The following CAPZA3 variants were observed in gnomAD, a reference collection of about 807,000 sequenced individuals.
CAPZA3 encodes the protein F-actin-capping protein subunit alpha-3.
Under a neutral mutation model 23.6 loss-of-function variants are expected in CAPZA3, and 22 were observed. The ratio of observed to expected loss-of-function variants is 0.93; its 90% CI spans 0.67 to 1.33. The LOEUF (loss-of-function observed/expected upper bound fraction) is 1.33, where lower values mean the gene tolerates loss of function less well. CAPZA3 is among the 40% of genes most tolerant of loss of function. The pLI is 0.00. For missense variants in CAPZA3, 357 were observed against 345.9 expected (o/e 1.03, Z -0.25); for synonymous variants, 142 against 126.5 (o/e 1.12, Z -0.82).
chr12:18,738,764 T>C lies in CAPZA3; in HGVS notation c.496T>C (p.Trp166Arg). The change falls in exon 1 of 1, where the codon TGG becomes CGG. Residue 166 changes from tryptophan to arginine, a missense_variant. Trp to Arg is a moderately radical substitution (Grantham distance 101). Transcript: ENST00000317658. ...EDHNYETGEC[W>R]NGLWKSKWIF... ...TCACAACTATGAAACAGGAGAGTGC[T>C]GGAACGGACTTTGGAAATCTAAATG... The C allele has an allele frequency of 6.2e-7, 1 of 1,614,076 alleles. No homozygotes were observed. Among genetic ancestry groups the C allele is most frequent in the Middle Eastern group, 1.6e-4 (1 of 6,062 alleles).
In CAPZA3 at chr12:18,738,139, C is replaced by A; in HGVS notation, c.-130C>A. 1.2e-6 allele frequency: 1 copy of A among 857,518 alleles called. No individual in the cohort carries two copies. Among genetic ancestry groups the A allele is most frequent in the Non-Finnish European group, 1.8e-6 (1 of 549,304 alleles). The allele number at this position is 857,518 out of a possible 1,614,324, so 53.1% of individuals were successfully genotyped here. On this transcript the variant is annotated 5_prime_UTR_variant, in exon 1 of 1. Transcript: ENST00000317658. ...GGCTCAGACCTTGCCAGACTGCCTG[C>A]TTTCATGGATAGACATAAAAACCTT... is the stretch of plus-strand genomic sequence containing the variant.
rs766521488 is a variant in CAPZA3 at position 18,738,732 on chromosome 12, T to C, written c.464T>C (p.Ile155Thr). The change falls in exon 1 of 1, where the codon ATT becomes ACT. Residue 155 changes from isoleucine to threonine, a missense_variant. By Grantham distance (89) the Ile-to-Thr change is moderately conservative. Coordinates refer to ENST00000317658, the MANE Select transcript of CAPZA3 (RefSeq NM_033328.3). ...VKSKEYLIAC[I>T]EDHNYETGEC... ...AGTAAGGAGTACTTGATAGCTTGCA[T>C]TGAAGATCACAACTATGAAACAGGA... 3.7e-6 allele frequency: 6 copies of C among 1,614,094 alleles called. No homozygotes were observed. The highest frequency in any genetic ancestry group is 2.2e-5 in the East Asian group (1 of 44,876).
chr12:18,738,560 C>CA lies in CAPZA3; in HGVS notation c.296dup (p.Asn99LysfsTer15), dbSNP rs1322309653. Reference sequence around the variant, plus strand: ...ACTTTCTTTCAAATATGACCTGCTTCAAAATCAGCTGAAAGACATCCAAAG... The same window carrying CA: ...ACTTTCTTTCAAATATGACCTGCTTCAAAAATCAGCTGAAAGACATCCAAAG... On this transcript the variant is annotated frameshift_variant, in exon 1 of 1. Transcript: ENST00000317658. LOFTEE classifies it high-confidence loss of function. 6.2e-7 allele frequency: 1 copy of CA among 1,613,988 alleles called. No homozygotes were observed. Among genetic ancestry groups the CA allele is most frequent in the Non-Finnish European group, 8.5e-7 (1 of 1,180,008 alleles).
At position 18,738,203 on chromosome 12, in the gene CAPZA3, A is replaced by G. The variant is rs1383547352; in HGVS notation, c.-66A>G. 1 of 1,405,642 alleles carries G rather than the reference A, an allele frequency of 7.1e-7. No homozygotes were observed. The highest frequency in any genetic ancestry group is 1.4e-5 in the African/African-American group (1 of 69,386). 87.1% of individuals were successfully genotyped at this position (1,405,642 alleles called of 1,614,324 possible). A position where few individuals can be genotyped will look rare whatever the true frequency, so the allele number is the denominator to read the frequency against. On this transcript the variant is annotated 5_prime_UTR_variant, in exon 1 of 1. The change abolishes an upstream ATG in the 5' untranslated region. Coordinates refer to ENST00000317658, the MANE Select transcript of CAPZA3 (RefSeq NM_033328.3). ...AACACCTTGATGGGAAAGGTGGCTC[A>G]TGGAATGTTTTCTTATCCTTTGAAC... is the stretch of plus-strand genomic sequence containing the variant.
Position 18,739,015 on chromosome 12 carries a change from T to C in CAPZA3, c.747T>C (p.Asn249=), listed in dbSNP as rs1482478760. 3 of 1,612,216 alleles carry C rather than the reference T, an allele frequency of 1.9e-6. No homozygotes were observed. The highest frequency in any genetic ancestry group is 2.5e-6 in the Non-Finnish European group (3 of 1,179,942). The change falls in exon 1 of 1, where the codon AAT becomes AAC. Residue 249 remains asparagine, a synonymous_variant. Transcript: ENST00000317658. ...TGGAAGAATTACAGGAGTTATCCAA[T>C]GAAGCCCTGAGAAAAATTCTACGAA... ...AVLEELQELS[N]EALRKILRRD...
Position 18,738,583 on chromosome 12 carries a change from A to C in CAPZA3, c.315A>C (p.Gln105His), listed in dbSNP as rs143679033. 8 of 1,614,046 alleles carry C rather than the reference A, an allele frequency of 5.0e-6. No homozygotes were observed. The African/African-American group carries it at 9.3e-5, about 19-fold the overall frequency. Residue 105 changes from glutamine (Q) to histidine (H), a missense_variant, in exon 1 of 1, where the codon CAA becomes CAC. Gln to His is a conservative substitution (Grantham distance 24). Transcript: ENST00000317658. ...TTCAAAATCAGCTGAAAGACATCCA[A>C]AGTCATGGTATCATTCAGAATGAGG... Reference protein sequence around the residue: ...DLLQNQLKDIQSHGIIQNEAE... With the variant: ...DLLQNQLKDIHSHGIIQNEAE...
Position 18,738,523 on chromosome 12 carries a change from C to A in CAPZA3, c.255C>A (p.Asp85Glu). 2 of 1,614,078 alleles carry A rather than the reference C, an allele frequency of 1.2e-6. No homozygotes were observed. Among genetic ancestry groups the A allele is most frequent in the African/African-American group, 2.7e-5 (2 of 75,034 alleles). The change falls in exon 1 of 1, where the codon GAC becomes GAA. Residue 85 changes from aspartate (D) to glutamate (E), a missense_variant. By Grantham distance (45) the Asp-to-Glu change is conservative. Transcript: ENST00000317658. ...TAATGGGCGACTACCGATTTTTTGA[C>A]CATCAAAGCAAACTTTCTTTCAAAT... ...HNVMGDYRFF[D>E]HQSKLSFKYD...
chr12:18,738,459 G>C lies in CAPZA3; in HGVS notation c.191G>C (p.Cys64Ser), dbSNP rs752977813. 1 of 1,614,106 alleles carries C rather than the reference G, an allele frequency of 6.2e-7. No individual in the cohort carries two copies. The highest frequency in any genetic ancestry group is 1.3e-5 in the African/African-American group (1 of 75,042). Residue 64 changes from cysteine to serine, a missense_variant, in exon 1 of 1, where the codon TGC (cysteine) becomes TCC (serine). Cys to Ser is a moderately radical substitution (Grantham distance 112). Transcript: ENST00000317658. ...TGCCAAAAATATTCTGTACCACTCT[G>C]CATCGATGGAAATCCAGTACTCTTG... is the stretch of plus-strand genomic sequence containing the variant. ...QHCQKYSVPL[C>S]IDGNPVLLSH... is the part of the protein sequence containing the mutation.
At position 18,738,643 on chromosome 12, in the gene CAPZA3, A is replaced by T. The variant is rs1959682972; in HGVS notation, c.375A>T (p.Leu125Phe). 6.2e-7 allele frequency: 1 copy of T among 1,614,108 alleles called. No homozygotes were observed. The highest frequency in any genetic ancestry group is 1.3e-5 in the African/African-American group (1 of 75,048). The stretch of plus-strand genomic sequence containing the variant: ...TGAGAGTTGTTCTTCTGTGCGCCTT[A>T]AAACTGTATGTGAATGACCACTATC... The part of the protein sequence containing the change: ...EYLRVVLLCA[L>F]KLYVNDHYPK... The change falls in exon 1 of 1, where the codon TTA becomes TTT. Residue 125 changes from leucine (L) to phenylalanine (F), a missense_variant. By Grantham distance (22) the Leu-to-Phe change is conservative (BLOSUM62 0). Coordinates refer to ENST00000317658, the MANE Select transcript of CAPZA3 (RefSeq NM_033328.3).
Position 18,738,521 on chromosome 12 carries a change from G to T in CAPZA3, c.253G>T (p.Asp85Tyr). ...HNVMGDYRFF[D>Y]HQSKLSFKYD... ...TGTAATGGGCGACTACCGATTTTTTGACCATCAAAGCAAACTTTCTTTCAA... is the reference window on the plus strand; with the variant it reads ...TGTAATGGGCGACTACCGATTTTTTTACCATCAAAGCAAACTTTCTTTCAA... The change falls in exon 1 of 1, where the codon GAC becomes TAC. Residue 85 changes from aspartate to tyrosine, a missense_variant. Transcript: ENST00000317658. The T allele has an allele frequency of 6.2e-7, 1 of 1,614,058 alleles. No homozygotes were observed. Among genetic ancestry groups the T allele is most frequent in the Non-Finnish European group, 8.5e-7 (1 of 1,180,014 alleles).
In CAPZA3 at chr12:18,738,608, G is replaced by A. The variant is rs1192883904; in HGVS notation, c.340G>A (p.Ala114Thr). The A allele has an allele frequency of 6.2e-7, 1 of 1,614,020 alleles. No homozygotes were observed. The change falls in exon 1 of 1, where the codon GCA becomes ACA. Residue 114 changes from alanine to threonine, a missense_variant. Ala to Thr is a moderately conservative substitution (Grantham distance 58). Transcript: ENST00000317658. ...AAGTCATGGTATCATTCAGAATGAG[G>A]CAGAATACCTGAGAGTTGTTCTTCT... ...IQSHGIIQNE[A>T]EYLRVVLLCA...
rs762265968 is a variant in CAPZA3 at position 18,739,024 on chromosome 12, G to C, written c.756G>C (p.Leu252=). ...TACAGGAGTTATCCAATGAAGCCCT[G>C]AGAAAAATTCTACGAAGGGATCTTC... is the stretch of plus-strand genomic sequence containing the variant. ...EELQELSNEA[L]RKILRRDLPV... Residue 252 remains leucine (L), a synonymous_variant, in exon 1 of 1, where the codon CTG becomes CTC. Transcript: ENST00000317658. 4.3e-6 allele frequency: 7 copies of C among 1,612,022 alleles called. No individual in the cohort carries two copies. Among genetic ancestry groups the C allele is most frequent in the Non-Finnish European group, 4.2e-6 (5 of 1,179,922 alleles).
At position 18,739,020 on chromosome 12, in the gene CAPZA3, C is replaced by G. The variant is rs760616985; in HGVS notation, c.752C>G (p.Ala251Gly). 1 of 1,612,016 alleles carries G rather than the reference C, an allele frequency of 6.2e-7. No individual in the cohort carries two copies. Residue 251 changes from alanine to glycine, a missense_variant, in exon 1 of 1, where the codon GCC becomes GGC. Physicochemically the swap from Ala to Gly is moderately conservative, Grantham distance 60. Coordinates refer to ENST00000317658, the MANE Select transcript of CAPZA3 (RefSeq NM_033328.3). Reference protein sequence around the residue: ...LEELQELSNEALRKILRRDLP... With the variant: ...LEELQELSNEGLRKILRRDLP... ...GAATTACAGGAGTTATCCAATGAAG[C>G]CCTGAGAAAAATTCTACGAAGGGAT...
Position 18,738,230 on chromosome 12 carries a change from C to G in CAPZA3, c.-39C>G. ...GGAATGTTTTCTTATCCTTTGAACA[C>G]TCCTCATTTCAGAAGCTTTGCTTCT... On this transcript the variant is annotated 5_prime_UTR_variant, in exon 1 of 1. Transcript: ENST00000317658. 1 of 1,537,166 alleles carries G rather than the reference C, an allele frequency of 6.5e-7. No individual in the cohort carries two copies. The highest frequency in any genetic ancestry group is 8.8e-7 in the Non-Finnish European group (1 of 1,136,930).
Position 18,738,596 on chromosome 12 carries a change from A to T in CAPZA3, c.328A>T (p.Ile110Phe), listed in dbSNP as rs1959675941. Residue 110 changes from isoleucine (I) to phenylalanine (F), a missense_variant, in exon 1 of 1, where the codon ATT (isoleucine) becomes TTT (phenylalanine). Physicochemically the swap from Ile to Phe is conservative, Grantham distance 21. Transcript: ENST00000317658. ...QLKDIQSHGI[I>F]QNEAEYLRVV... ...GAAAGACATCCAAAGTCATGGTATC[A>T]TTCAGAATGAGGCAGAATACCTGAG... 1 of 1,613,992 alleles carries T rather than the reference A, an allele frequency of 6.2e-7. No homozygotes were observed. The highest frequency in any genetic ancestry group is 1.3e-5 in the African/African-American group (1 of 74,942).
chr12:18,738,211 T>C lies in CAPZA3; in HGVS notation c.-58T>C. 1.4e-6 allele frequency: 2 copies of C among 1,474,258 alleles called. No homozygotes were observed. Among genetic ancestry groups the C allele is most frequent in the South Asian group, 1.3e-5 (1 of 74,696 alleles). 91.3% of individuals were successfully genotyped at this position (1,474,258 alleles called of 1,614,324 possible). On this transcript the variant is annotated 5_prime_UTR_variant, in exon 1 of 1. Transcript: ENST00000317658. ...GATGGGAAAGGTGGCTCATGGAATG[T>C]TTTCTTATCCTTTGAACACTCCTCA...
At position 18,738,420 on chromosome 12, in the gene CAPZA3, C is replaced by T. The variant is rs770298104; in HGVS notation, c.152C>T (p.Ala51Val). 1.2e-6 allele frequency: 2 copies of T among 1,614,118 alleles called. No homozygotes were observed. Among genetic ancestry groups the T allele is most frequent in the Admixed American group, 3.3e-5 (2 of 60,006 alleles). ...EKLMHHQGEC[A>V]GHQHCQKYSV... is the part of the protein sequence containing the mutation. ...CTTATGCACCACCAAGGTGAGTGTG[C>T]AGGCCACCAACACTGCCAAAAATAT... The change falls in exon 1 of 1, where the codon GCA (alanine) becomes GTA (valine). Residue 51 changes from alanine (A) to valine (V), a missense_variant. Coordinates refer to ENST00000317658, the MANE Select transcript of CAPZA3 (RefSeq NM_033328.3).
rs750209976 is a variant in CAPZA3 at position 18,739,179 on chromosome 12, C to T, written c.*11C>T. The stretch of plus-strand genomic sequence containing the variant: ...AACTGGATAATATAAAGAATTGCTC[C>T]TGGTAACTATCTTGATTTGACTTGT... On this transcript the variant is annotated 3_prime_UTR_variant, in exon 1 of 1. Transcript: ENST00000317658. The T allele has an allele frequency of 6.3e-7, 1 of 1,584,566 alleles. No individual in the cohort carries two copies. The highest frequency in any genetic ancestry group is 2.3e-5 in the East Asian group (1 of 44,408).
At position 18,738,638 on chromosome 12, in the gene CAPZA3, G is replaced by T. The variant is rs749122388; in HGVS notation, c.370G>T (p.Ala124Ser). ...AEYLRVVLLC[A>S]LKLYVNDHYP... Reference sequence around the variant, plus strand: ...ATACCTGAGAGTTGTTCTTCTGTGCGCCTTAAAACTGTATGTGAATGACCA... The same window carrying T: ...ATACCTGAGAGTTGTTCTTCTGTGCTCCTTAAAACTGTATGTGAATGACCA... The change falls in exon 1 of 1, where the codon GCC becomes TCC. Residue 124 changes from alanine (A) to serine (S), a missense_variant. Coordinates refer to ENST00000317658, the MANE Select transcript of CAPZA3 (RefSeq NM_033328.3). The T allele has an allele frequency of 1.2e-6, 2 of 1,613,902 alleles. No homozygotes were observed. The highest frequency in any genetic ancestry group is 2.7e-5 in the African/African-American group (2 of 74,902).
Sources: gnomAD v4.1 joint callset for allele counts on GRCh38, gnomAD v4.1.1 for gene constraint, MANE v1.5 for transcripts, NCBI Gene and HGNC (gene_info 2026-07-23, HGNC 2026-07-21) for gene names.